Variants in CDYL observed in about 807,000 individuals in gnomAD.
The protein encoded by CDYL is chromodomain Y-like protein.
CDYL carries 8 observed loss-of-function variants against 47.3 expected under a neutral mutation model. The ratio of observed to expected loss-of-function variants is 0.17; its 90% confidence interval spans 0.10 to 0.31. CDYL has a LOEUF of 0.31. Ranked by LOEUF, CDYL falls within the 10% of genes least tolerant of loss-of-function variation. The pLI, the probability that CDYL is intolerant of heterozygous loss-of-function variation, is 1.00. For synonymous variants in CDYL, 266 were observed against 265.0 expected (o/e 1.00, Z -0.04); for missense variants, 471 against 701.4 (o/e 0.67, Z 3.71).
At chr6:4,818,100 A>G (rs1286634511) in intron 1 of CDYL, among the ~76,000 whole-genome samples, 1 of 152,056 alleles carries the variant, frequency 6.6e-6, no homozygotes, top group Non-Finnish European at 1.5e-5. Flanking sequence ...TACAAAAAAT[A>G]CAAAAATCAG....
intron 1 of CDYL, among the ~76,000 whole-genome samples, chr6:4,805,291 G>A (rs58321700): frequency 6.6e-6 from 1 of 151,658 alleles, no homozygotes; most frequent in Non-Finnish European, 1.5e-5. Context: ...CCCATTGGGG[G>A]AAAAAAAAGC....
At chr6:4,843,730 T>C (rs1216144923) in intron 1 of CDYL, among the ~76,000 whole-genome samples, 1 of 152,130 alleles carries the variant, frequency 6.6e-6, no homozygotes, top group African/African-American at 2.4e-5. Flanking sequence ...CTTCCTATCT[T>C]GTATCATTTT....
chr6:4,937,456 A>T, intron 3 of CDYL, 109 bp from the exon 4 acceptor site: 1 of 799,568 alleles, frequency 1.3e-6, no homozygotes, highest in African/African-American at 1.8e-5. Context: ...TGATTAAACC[A>T]CTGCACGCCA....
intron 1 of CDYL, among the ~76,000 whole-genome samples, chr6:4,706,826 G>A (rs6910449): frequency 1.3e-5 from 2 of 151,950 alleles, no homozygotes; most frequent in African/African-American, 2.4e-5. Context: ...GAGGAGCAGA[G>A]AGTGGCAAAG....
At chr6:4,772,336 G>T (rs921867605), upstream of CDYL, among the ~76,000 whole-genome samples, 1 of 152,204 alleles carries the variant, frequency 6.6e-6, no homozygotes, top group African/African-American at 2.4e-5. Context: ...GGACCAACAT[G>T]GAGGGCGGCA....
chr6:4,930,700 T>C (rs571926807), intron 2 of CDYL, among the ~76,000 whole-genome samples: 1 of 152,260 alleles, frequency 6.6e-6, no homozygotes, highest in African/African-American at 2.4e-5. Flanking sequence ...AGCAGTGATA[T>C]TTAACAGATT....
rs182767476 is a variant in CDYL at position 4,800,834 on chromosome 6, C to T, written c.24+24027C>T. Among the ~76,000 whole-genome samples the T allele has an allele frequency of 1.2e-4, 19 of 152,204 alleles. No individual in the cohort carries two copies. In the East Asian group the frequency reaches 2.9e-3, roughly 23 times the overall value. Reference sequence around the variant, plus strand: ...GTTGCCGTTGTTTTCCTGTTTATGACGTCATTTTCTCTGGCTGCTTTCAAG... The same window carrying T: ...GTTGCCGTTGTTTTCCTGTTTATGATGTCATTTTCTCTGGCTGCTTTCAAG... On this transcript the variant is annotated intron_variant, in intron 1 of 6. Transcript: ENST00000397588.
chr6:4,918,403 CATT>C (rs777272171), intron 2 of CDYL, among the ~76,000 whole-genome samples: 2 of 150,634 alleles, frequency 1.3e-5, no homozygotes, highest in African/African-American at 2.5e-5. Flanking sequence ...TTTGAGGTGA[CATT>C]ATAACATAAA....
At chr6:4,845,768 A>C (rs1022262272) in intron 1 of CDYL, among the ~76,000 whole-genome samples, 8 of 152,210 alleles carry the variant, frequency 5.3e-5, no homozygotes, top group African/African-American at 1.9e-4. Context: ...CAAAGCATCA[A>C]CTTTTGATCT....
At chr6:4,720,237 T>A (rs1266544372) in intron 2 of CDYL, among the ~76,000 whole-genome samples, 2 of 152,176 alleles carry the variant, frequency 1.3e-5, no homozygotes, top group African/African-American at 4.8e-5. Context: ...AAAAAATTCT[T>A]ACAAATTTCA....
Position 4,892,396 on chromosome 6 carries a change from C to G in CDYL, c.691+17C>G. 1 of 1,583,132 alleles carries G rather than the reference C, an allele frequency of 6.3e-7. No homozygotes were observed. The highest frequency in any genetic ancestry group is 8.6e-7 in the Non-Finnish European group (1 of 1,163,944). ...ACGGGAAAGGTGAGTGTCTAGGGAG[C>G]TGCTCAGGCTCCGTGGTGATCCCAG... On this transcript the variant is annotated intron_variant, in intron 2 of 6. Transcript: ENST00000397588.
chr6:4,743,493 T>C lies in CDYL; in HGVS notation c.186+8649T>C, dbSNP rs9378912. Reference sequence around the variant, plus strand: ...AAGATGCAATCAATACAAACCAAAATTTTACACTTCTTACCCCTTCCCCCA... The same window carrying C: ...AAGATGCAATCAATACAAACCAAAACTTTACACTTCTTACCCCTTCCCCCA... On this transcript the variant is annotated intron_variant, in intron 3 of 8. Coordinates refer to the CDYL transcript ENST00000328908. Among the ~76,000 whole-genome samples the C allele has an allele frequency of 3.9e-5, 6 of 152,316 alleles. No homozygotes were observed. In the East Asian group the frequency reaches 1.2e-3, roughly 29 times the overall value.
chr6:4,797,806 CTG>C (rs1389173051), intron 1 of CDYL, among the ~76,000 whole-genome samples: 1 of 152,204 alleles, frequency 6.6e-6, no homozygotes, highest in Non-Finnish European at 1.5e-5. Context: ...TGTGGATACA[CTG>C]TGACTTGTTT....
chr6:4,837,753 C>G (rs533114533), intron 1 of CDYL, among the ~76,000 whole-genome samples: 35 of 150,696 alleles, frequency 2.3e-4, no homozygotes, highest in African/African-American at 8.3e-4. Flanking sequence ...ACATGAGCCA[C>G]CGCGCCCGGC....
chr6:4,742,550 G>A (rs1757815949), intron 3 of CDYL, among the ~76,000 whole-genome samples: 1 of 151,856 alleles, frequency 6.6e-6, no homozygotes, highest in African/African-American at 2.4e-5. Flanking sequence ...AAATATTGCA[G>A]GTATTGGCCC....
rs1294481488 is a variant in CDYL at position 4,909,354 on chromosome 6, G to A, written c.691+16975G>A. Among the ~76,000 whole-genome samples, 5 of 152,274 alleles carry A rather than the reference G, an allele frequency of 3.3e-5. No homozygotes were observed. The South Asian group carries it at 1.0e-3, about 32-fold the overall frequency. On this transcript the variant is annotated intron_variant, in intron 2 of 6. Coordinates refer to ENST00000397588, the MANE Select transcript of CDYL (RefSeq NM_004824.4). ...CTCCAGCTATTCAGTAGCTCCAGCC[G>A]AAAGCCATGCCCTCCCCTTTCCTGC...
At chr6:4,783,928 C>T (rs752298227) in intron 1 of CDYL, among the ~76,000 whole-genome samples, 35 of 152,130 alleles carry the variant, frequency 2.3e-4, no homozygotes, top group Non-Finnish European at 4.1e-4. Context: ...GCCAGTTTGT[C>T]TTCAAATACT....
At chr6:4,856,664 G>A (rs1462577591) in intron 1 of CDYL, among the ~76,000 whole-genome samples, 1 of 152,156 alleles carries the variant, frequency 6.6e-6, no homozygotes, top group Non-Finnish European at 1.5e-5. Context: ...ACTGAACCTG[G>A]GTGGGAAAGA....
At chr6:4,805,866 C>T (rs1473580709) in intron 1 of CDYL, among the ~76,000 whole-genome samples, 1 of 152,204 alleles carries the variant, frequency 6.6e-6, no homozygotes, top group Non-Finnish European at 1.5e-5. Context: ...CAGAAACACC[C>T]CCACAGACAA....
Sources: allele counts gnomAD v4.1 joint callset (sites outside exome capture counted in the v4.1 genomes callset), GRCh38; gene constraint gnomAD v4.1.1; transcripts MANE v1.5; gene names NCBI Gene and HGNC (gene_info 2026-07-23, HGNC 2026-07-21).